CSMD1: variants seen among roughly 807,000 people sequenced by gnomAD.
CSMD1 encodes the protein CUB and Sushi multiple domains 1.
CSMD1 carries 213 observed loss-of-function variants against 417.5 expected under a neutral mutation model. That is an observed-to-expected ratio of 0.51 (90% CI 0.46 to 0.57). The LOEUF is 0.57. CSMD1 is among the 20% of genes least tolerant of loss of function. CSMD1 has a pLI of 0.00. For synonymous variants in CSMD1, 2,862 were observed against 1,736.8 expected (o/e 1.65, Z -16.11); for missense variants, 6,923 against 4,529.7 (o/e 1.53, Z -15.17).
intron 3 of CSMD1, among the ~76,000 whole-genome samples, chr8:4,101,103 T>C (rs981085304): frequency 6.6e-6 from 1 of 152,204 alleles, no homozygotes; most frequent in Non-Finnish European, 1.5e-5. Flanking sequence ...ATCTACCGGT[T>C]AACCAGCGAA....
chr8:3,843,584 G>C (rs1170019061), intron 5 of CSMD1, among the ~76,000 whole-genome samples: 2 of 152,078 alleles, frequency 1.3e-5, no homozygotes, highest in Non-Finnish European at 2.9e-5. Context: ...AATGCATCCA[G>C]TTGGAAGTTT....
At chr8:4,490,273 C>A (rs1017431499) in intron 2 of CSMD1, among the ~76,000 whole-genome samples, 2 of 152,092 alleles carry the variant, frequency 1.3e-5, no homozygotes, top group Non-Finnish European at 2.9e-5. Context: ...AACTGCTGAC[C>A]TCGTGATCCA....
intron 2 of CSMD1, among the ~76,000 whole-genome samples, chr8:4,616,975 T>TA (rs1309841477): frequency 2.2e-4 from 34 of 152,264 alleles, no homozygotes; most frequent in African/African-American, 7.2e-4. Flanking sequence ...TTCTTTTTTT[T>TA]ACCTAATAGA....
At chr8:3,390,457 T>A (rs1357778400) in intron 17 of CSMD1, among the ~76,000 whole-genome samples, 1 of 150,558 alleles carries the variant, frequency 6.6e-6, no homozygotes, top group African/African-American at 2.4e-5. Flanking sequence ...TGGACACAGG[T>A]AGCCAATTTA....
At chr8:4,575,515 C>A (rs78918534) in intron 2 of CSMD1, among the ~76,000 whole-genome samples, 1 of 152,128 alleles carries the variant, frequency 6.6e-6, no homozygotes, top group Non-Finnish European at 1.5e-5. Context: ...CCAGAGGCAT[C>A]ACCAGAGTGC....
chr8:3,158,809 T>G (rs1032875094), intron 38 of CSMD1, among the ~76,000 whole-genome samples: 1 of 152,110 alleles, frequency 6.6e-6, no homozygotes, highest in Admixed American at 6.6e-5. Context: ...CTCATAAATT[T>G]CCATTTGCCA....
chr8:4,829,936 G>A (rs1278735942), intron 1 of CSMD1, among the ~76,000 whole-genome samples: 1 of 152,062 alleles, frequency 6.6e-6, no homozygotes, highest in African/African-American at 2.4e-5. Flanking sequence ...GCCTTCTGAT[G>A]TAGAAAGAAA....
intron 5 of CSMD1, among the ~76,000 whole-genome samples, chr8:3,990,556 T>C (rs1444447474): frequency 6.6e-6 from 1 of 152,238 alleles, no homozygotes; most frequent in East Asian, 1.9e-4. Flanking sequence ...CACCATTCAA[T>C]AAATTAGAAA....
At chr8:3,493,015 G>A (rs1796197799) in intron 11 of CSMD1, among the ~76,000 whole-genome samples, 1 of 152,114 alleles carries the variant, frequency 6.6e-6, no homozygotes, top group African/African-American at 2.4e-5. Context: ...GGTGTTGGCT[G>A]GGTGCGGTGG....
chr8:3,164,452 T>C (rs780140513), intron 37 of CSMD1, among the ~76,000 whole-genome samples: 1 of 152,194 alleles, frequency 6.6e-6, no homozygotes, highest in Non-Finnish European at 1.5e-5. Flanking sequence ...ATATATACAA[T>C]CACTTAGGCC....
Position 3,277,790 on chromosome 8 carries a change from ATT to A in CSMD1, c.4153+6352_4153+6353del, listed in dbSNP as rs1353234571. ...CTGGTGTTTCCTTAGGAGTACCAGA[ATT>A]GGACATTTATTAACTAGTAATGGGA... On this transcript the variant is annotated intron_variant, in intron 26 of 69. Coordinates refer to ENST00000635120, the MANE Select transcript of CSMD1 (RefSeq NM_033225.6). Among the ~76,000 whole-genome samples, 5 of 152,282 alleles carry A rather than the reference ATT, an allele frequency of 3.3e-5. No individual in the cohort carries two copies. In the East Asian group the frequency reaches 9.7e-4, roughly 29 times the overall value.
chr8:3,099,687 C>T (rs1295585870), intron 46 of CSMD1, among the ~76,000 whole-genome samples: 2 of 152,216 alleles, frequency 1.3e-5, no homozygotes, highest in South Asian at 2.1e-4. Context: ...CCTATTCGCA[C>T]ATCCTGGGGT....
intron 5 of CSMD1, among the ~76,000 whole-genome samples, chr8:3,980,396 G>C (rs532133934): frequency 2.0e-5 from 3 of 152,054 alleles, no homozygotes; most frequent in African/African-American, 7.2e-5. Context: ...TATTCCTGGC[G>C]GCATAAAATA....
chr8:3,637,589 A>T (rs989733635), intron 7 of CSMD1, among the ~76,000 whole-genome samples: 1 of 152,126 alleles, frequency 6.6e-6, no homozygotes, highest in African/African-American at 2.4e-5. Flanking sequence ...AATATTGACT[A>T]CTATTTTGTT....
intron 10 of CSMD1, among the ~76,000 whole-genome samples, chr8:3,557,636 T>A (rs1466894093): frequency 1.3e-5 from 2 of 152,164 alleles, no homozygotes; most frequent in Admixed American, 6.5e-5. Context: ...TGAGGCCCTA[T>A]CTCCTGCCTT....
chr8:4,347,375 T>G (rs1800833577), intron 3 of CSMD1, among the ~76,000 whole-genome samples: 2 of 152,182 alleles, frequency 1.3e-5, no homozygotes, highest in Admixed American at 6.5e-5. Flanking sequence ...GCTCTTTGAT[T>G]TCTTGGGACA....
rs1329803974 is a variant in CSMD1, at chr8:4,077,133, C to G, written c.416-45034G>C. Among the ~76,000 whole-genome samples, 3 of 151,386 alleles carry G rather than the reference C, an allele frequency of 2.0e-5. No individual in the cohort carries two copies. In the East Asian group the frequency reaches 5.8e-4, roughly 29 times the overall value. On this transcript the variant is annotated intron_variant, in intron 3 of 69. Transcript: ENST00000635120. ...ATTTTAGTGATGAGTATGATGAAGT[C>G]AAGAAAGTTAAATGACGCATCCAAC...
chr8:3,263,077 C>T (rs1422435087), intron 26 of CSMD1, among the ~76,000 whole-genome samples: 4 of 152,084 alleles, frequency 2.6e-5, no homozygotes, highest in East Asian at 1.9e-4. Context: ...TAATAATTGT[C>T]CTTATATGTT....
At chr8:2,985,197 T>C (rs1013301418) in intron 54 of CSMD1, among the ~76,000 whole-genome samples, 4 of 152,206 alleles carry the variant, frequency 2.6e-5, no homozygotes, top group Non-Finnish European at 4.4e-5. Context: ...ACTGGAAATA[T>C]ACCATGTTCA....
Sources: gnomAD v4.1 joint callset for allele counts (sites outside exome capture counted in the v4.1 genomes callset) on GRCh38, gnomAD v4.1.1 for gene constraint, MANE v1.5 for transcripts, NCBI Gene and HGNC (gene_info 2026-07-23, HGNC 2026-07-21) for gene names.